Variants in DPP10 observed in about 807,000 individuals in gnomAD.
The protein encoded by DPP10 is inactive dipeptidyl peptidase 10.
A neutral mutation model predicts 120.9 loss-of-function variants in DPP10; 33 were observed. The ratio of observed to expected loss-of-function variants is 0.27; its 90% CI spans 0.21 to 0.37. The LOEUF (loss-of-function observed/expected upper bound fraction) is 0.37. Ranked by LOEUF, DPP10 falls within the 10% of genes least tolerant of loss-of-function variation. The pLI, the probability that DPP10 is intolerant of heterozygous loss-of-function variation, is 1.00. For synonymous variants in DPP10, 337 were observed against 326.1 expected (o/e 1.03, Z -0.36); for missense variants, 816 against 942.8 (o/e 0.87, Z 1.76).
rs143540392 is a variant in DPP10 at position 114,493,564 on chromosome 2, G to A, written c.60+50726G>A. Among the ~76,000 whole-genome samples, 172 of 152,160 alleles carry A rather than the reference G, an allele frequency of 1.1e-3. 1 individual carries two copies. The highest frequency in any genetic ancestry group is 4.0e-3 in the African/African-American group (168 of 41,520). ...GTTCAGAAATCTCATGTAGGACGTG[G>A]TGAGGTTTATCAAAATGGGGCATGG... On this transcript the variant is annotated intron_variant, in intron 1 of 25. Coordinates refer to ENST00000410059, the MANE Select transcript of DPP10 (RefSeq NM_020868.6).
rs547014249 is a variant in DPP10 at position 114,630,885 on chromosome 2, G to C, written c.60+188047G>C. Among the ~76,000 whole-genome samples, 4 of 152,208 alleles carry C rather than the reference G, an allele frequency of 2.6e-5. 1 individual carries two copies. The highest frequency in any genetic ancestry group is 9.6e-5 in the African/African-American group (4 of 41,542). ...TGAAGATGCTTCTCCCTGATTTCAA[G>C]TCTAAAAATGGGAGTCTCGATTGAA... On this transcript the variant is annotated intron_variant, in intron 1 of 25. Transcript: ENST00000410059.
chr2:114,742,037 T>G (rs188831773), intron 1 of DPP10, among the ~76,000 whole-genome samples: 61 of 152,360 alleles, frequency 4.0e-4, no homozygotes, highest in Non-Finnish European at 7.2e-4. Flanking sequence ...TCAAAAATTT[T>G]ACCTTTCATA....
chr2:115,187,428 A>G (rs2054545137), intron 1 of DPP10, among the ~76,000 whole-genome samples: 1 of 152,170 alleles, frequency 6.6e-6, no homozygotes, highest in East Asian at 1.9e-4. Context: ...ATATTTATGG[A>G]CATTTTTCAT....
At chr2:115,807,109 A>G (rs1686073724) in intron 19 of DPP10, among the ~76,000 whole-genome samples, 1 of 152,208 alleles carries the variant, frequency 6.6e-6, no homozygotes, top group South Asian at 2.1e-4. Context: ...CTGAAAGAAA[A>G]GATCATCAAA....
At chr2:114,597,865 T>C (rs912351505) in intron 1 of DPP10, among the ~76,000 whole-genome samples, 1 of 151,968 alleles carries the variant, frequency 6.6e-6, no homozygotes, top group Non-Finnish European at 1.5e-5. Flanking sequence ...TGAAACTTGA[T>C]CCTTGATTCT....
At chr2:115,776,654 A>G in intron 13 of DPP10, among the ~76,000 whole-genome samples, 1 of 152,138 alleles carries the variant, frequency 6.6e-6, no homozygotes, top group African/African-American at 2.4e-5. Context: ...TTTTTAGACA[A>G]TACTACTACC....
chr2:114,509,352 TA>T (rs1367484891), intron 1 of DPP10, among the ~76,000 whole-genome samples: 1 of 152,258 alleles, frequency 6.6e-6, no homozygotes, highest in Non-Finnish European at 1.5e-5. Context: ...ATAATTCTAT[TA>T]ATCCTTTCTT....
At chr2:115,211,124 AG>A (rs753342470) in intron 1 of DPP10, among the ~76,000 whole-genome samples, 3 of 152,192 alleles carry the variant, frequency 2.0e-5, no homozygotes, top group East Asian at 3.9e-4. Context: ...CTCCCTGTGA[AG>A]TTTTGCTAAA....
chr2:114,894,528 A>G (rs1692810228), intron 1 of DPP10, among the ~76,000 whole-genome samples: 1 of 152,226 alleles, frequency 6.6e-6, no homozygotes, highest in Non-Finnish European at 1.5e-5. Context: ...TCATTGGAAT[A>G]TTAAATGTTT....
At chr2:115,038,078 A>C (rs1329537951) in intron 1 of DPP10, among the ~76,000 whole-genome samples, 7 of 151,990 alleles carry the variant, frequency 4.6e-5, no homozygotes, top group Non-Finnish European at 1.0e-4. Context: ...TGGCACTGAA[A>C]ATTTAAGGGA....
intron 1 of DPP10, among the ~76,000 whole-genome samples, chr2:114,581,207 GTCTC>G (rs1690493678): frequency 1.0e-5 from 1 of 98,336 alleles, no homozygotes; most frequent in African/African-American, 4.2e-5. Flanking sequence ...TTTTGAGACA[GTCTC>G]TCTCTGTCGC....
intron 1 of DPP10, among the ~76,000 whole-genome samples, chr2:114,975,840 G>A (rs1198101278): frequency 6.6e-6 from 1 of 151,894 alleles, no homozygotes; most frequent in African/African-American, 2.4e-5. Context: ...TAGTAGAGAT[G>A]GGGTTTCACC....
At chr2:115,500,943 G>T (rs1017100896) in intron 4 of DPP10, among the ~76,000 whole-genome samples, 1 of 151,948 alleles carries the variant, frequency 6.6e-6, no homozygotes, top group African/African-American at 2.4e-5. Flanking sequence ...TGGAAAATTA[G>T]CCATTAGTAA....
intron 1 of DPP10, among the ~76,000 whole-genome samples, chr2:115,093,676 C>G (rs1006389036): frequency 1.3e-5 from 2 of 151,966 alleles, no homozygotes; most frequent in Admixed American, 6.6e-5. Flanking sequence ...AAGGCTGAAA[C>G]AATGATTCTG....
In DPP10 at chr2:114,936,743, G is replaced by A. The variant is rs1412899329; in HGVS notation, c.61-372496G>A. ...GGTATTAACTTTTTACTGCATCCATGCCAACATCTATTATTTTTTGATTTT... is the reference window on the plus strand; with the variant it reads ...GGTATTAACTTTTTACTGCATCCATACCAACATCTATTATTTTTTGATTTT... On this transcript the variant is annotated intron_variant, in intron 1 of 25. Coordinates refer to ENST00000410059, the MANE Select transcript of DPP10 (RefSeq NM_020868.6). Among the ~76,000 whole-genome samples, 5 of 151,948 alleles carry A rather than the reference G, an allele frequency of 3.3e-5. No individual in the cohort carries two copies. In the East Asian group the frequency reaches 9.7e-4, roughly 29 times the overall value.
At chr2:115,482,729 A>G (rs1288813170) in intron 3 of DPP10, among the ~76,000 whole-genome samples, 2 of 152,046 alleles carry the variant, frequency 1.3e-5, no homozygotes. Context: ...TTATTGACAT[A>G]TAAATACCAA....
intron 1 of DPP10, among the ~76,000 whole-genome samples, chr2:114,703,345 G>T (rs1700498768): frequency 6.6e-6 from 1 of 152,128 alleles, no homozygotes; most frequent in African/African-American, 2.4e-5. Context: ...ATTGTAAATA[G>T]GCTAGCAGAG....
At chr2:115,304,995 A>G (rs781325288) in intron 1 of DPP10, among the ~76,000 whole-genome samples, 2 of 152,100 alleles carry the variant, frequency 1.3e-5, no homozygotes, top group Admixed American at 6.6e-5. Context: ...AGTTTGGACT[A>G]TAGCACTAAC....
chr2:114,649,806 T>G (rs1379074221), intron 1 of DPP10, among the ~76,000 whole-genome samples: 3 of 141,890 alleles, frequency 2.1e-5, no homozygotes, highest in Non-Finnish European at 4.4e-5. Flanking sequence ...TCTTCTACTT[T>G]TATTTAGTAG....
Sources: allele counts gnomAD v4.1 joint callset (sites outside exome capture counted in the v4.1 genomes callset), GRCh38; gene constraint gnomAD v4.1.1; transcripts MANE v1.5; gene names NCBI Gene and HGNC (gene_info 2026-07-23, HGNC 2026-07-21).